Variants in RBM46 observed in about 807,000 individuals in gnomAD.
RBM46 encodes the protein probable RNA-binding protein 46.
In RBM46, 12 loss-of-function variants were observed where a neutral mutation model predicts 43.3. The observed-to-expected ratio is 0.28, with a 90% CI of 0.18 to 0.45. The LOEUF is 0.45. Ranked by LOEUF, RBM46 falls within the 20% of genes least tolerant of loss-of-function variation. The pLI, the probability that RBM46 is intolerant of heterozygous loss-of-function variation, is 1.00. For synonymous variants in RBM46, 205 were observed against 207.6 expected (o/e 0.99, Z 0.11); for missense variants, 412 against 639.1 (o/e 0.64, Z 3.83).
Position 154,798,030 on chromosome 4 carries a change from A to G in RBM46, c.371A>G (p.Tyr124Cys), listed in dbSNP as rs766676514. Residue 124 changes from tyrosine to cysteine, a missense_variant, in exon 3 of 5, where the codon TAT becomes TGT. By Grantham distance (194) the Tyr-to-Cys change is radical (BLOSUM62 -2). Around this residue, in one of 8 missense-constraint regions of RBM46, gnomAD observed 48 missense variants for 78.9 expected, o/e 0.61. Transcript: ENST00000281722. ...TTAGCCATCAGAATTCTTAATAATT[A>G]TGAAATTCGACCAGGGAAGTTTATT... ...AQLAIRILNN[Y>C]EIRPGKFIGV... is the part of the protein sequence containing the mutation. The G allele has an allele frequency of 1.5e-5, 25 of 1,613,700 alleles. No individual in the cohort carries two copies. In the African/African-American group the frequency reaches 2.8e-4, roughly 18 times the overall value.
At position 154,798,804 on chromosome 4, in the gene RBM46, C is replaced by T. The variant is rs1228410393; in HGVS notation, c.642C>T (p.His214=). The T allele has an allele frequency of 3.9e-6, 6 of 1,536,810 alleles. No homozygotes were observed. Among genetic ancestry groups the T allele is most frequent in the Non-Finnish European group, 5.2e-6 (6 of 1,147,484 alleles). ...LIPGTFQLWG[H]TIQVDWADPE... is the part of the protein sequence containing the mutation. ...CAGGAACATTCCAACTATGGGGCCA[C>T]ACCATTCAGGTAGATTGGGCTGACC... Residue 214 remains histidine (H), a synonymous_variant, in exon 4 of 5, where the codon CAC becomes CAT. Coordinates refer to ENST00000281722, the MANE Select transcript of RBM46 (RefSeq NM_144979.5).
chr4:154,826,697 A>T lies in RBM46; in HGVS notation c.1403-1171A>T, dbSNP rs919099419. 12 of 908,244 alleles carry T rather than the reference A, an allele frequency of 1.3e-5. No individual in the cohort carries two copies. The Admixed American group carries it at 1.5e-4, about 11-fold the overall frequency. The allele number at this position is 908,244 out of a possible 1,614,324, so 56.3% of individuals were successfully genotyped here. On this transcript the variant is annotated intron_variant, in intron 4 of 4. Coordinates refer to ENST00000281722, the MANE Select transcript of RBM46 (RefSeq NM_144979.5). ...AAATTAGTTTAATTAGAGTTTTATA[A>T]TGCTGGAAATTAAACCTATATTTAA...
intron 1 of RBM46, among the ~76,000 whole-genome samples, chr4:154,790,081 C>T (rs1041606728): frequency 2.0e-5 from 3 of 152,038 alleles, no homozygotes; most frequent in African/African-American, 7.2e-5. Flanking sequence ...ATTAGTCTTG[C>T]TAGTGGTCTA....
At chr4:154,795,670 T>C (rs1054904884) in intron 1 of RBM46, among the ~76,000 whole-genome samples, 1 of 152,140 alleles carries the variant, frequency 6.6e-6, no homozygotes, top group Non-Finnish European at 1.5e-5. Flanking sequence ...GTCATTTTCT[T>C]CCTTATTTTT....
chr4:154,813,378 AGG>A (rs1014209340), intron 4 of RBM46, among the ~76,000 whole-genome samples: 1 of 152,082 alleles, frequency 6.6e-6, no homozygotes, highest in African/African-American at 2.4e-5. Context: ...AAATATAGAC[AGG>A]GGCATATGGA....
intron 4 of RBM46, among the ~76,000 whole-genome samples, chr4:154,815,215 G>A (rs1023967335): frequency 6.6e-6 from 1 of 151,884 alleles, no homozygotes; most frequent in African/African-American, 2.4e-5. Flanking sequence ...TATATAACTT[G>A]CTGTCTTTGT....
chr4:154,788,877 T>C (rs1013217419), intron 1 of RBM46, among the ~76,000 whole-genome samples: 9 of 152,154 alleles, frequency 5.9e-5, no homozygotes, highest in Non-Finnish European at 1.3e-4. Context: ...GGTTTATAGT[T>C]CTCCTTGAAG....
chr4:154,820,934 A>G (rs1245332421), intron 4 of RBM46, among the ~76,000 whole-genome samples: 1 of 151,830 alleles, frequency 6.6e-6, no homozygotes, highest in Non-Finnish European at 1.5e-5. Context: ...GTCTTTTTTT[A>G]CATGTAGAGG....
At chr4:154,795,329 C>G (rs992784463) in intron 1 of RBM46, among the ~76,000 whole-genome samples, 1 of 152,288 alleles carries the variant, frequency 6.6e-6, no homozygotes, top group African/African-American at 2.4e-5. Context: ...GAACCTGAGT[C>G]TGCACTTTAT....
At chr4:154,815,082 T>A (rs1156619663) in intron 4 of RBM46, among the ~76,000 whole-genome samples, 1 of 152,112 alleles carries the variant, frequency 6.6e-6, no homozygotes, top group Non-Finnish European at 1.5e-5. Flanking sequence ...GAAACTTATG[T>A]AACATTTTAT....
rs774991024 is a variant in RBM46, at chr4:154,827,882, C to T, written c.1417C>T (p.Arg473Cys). The change falls in exon 5 of 5, where the codon CGC becomes TGC. Residue 473 changes from arginine to cysteine, a missense_variant. Arg to Cys is a radical substitution (Grantham distance 180). Around this residue, in one of 8 missense-constraint regions of RBM46, gnomAD observed 149 missense variants for 156.3 expected, o/e 0.95. Coordinates refer to ENST00000281722, the MANE Select transcript of RBM46 (RefSeq NM_144979.5). Reference sequence around the variant, plus strand: ...TTTATTTACAGACTACAATTTCCATCGCAGCTCAATAAATAGTCTTTCCCC... The same window carrying T: ...TTTATTTACAGACTACAATTTCCATTGCAGCTCAATAAATAGTCTTTCCCC... ...TLLHLDYNFH[R>C]SSINSLSPVS... 5 of 1,613,644 alleles carry T rather than the reference C, an allele frequency of 3.1e-6. No individual in the cohort carries two copies. The highest frequency in any genetic ancestry group is 1.3e-5 in the African/African-American group (1 of 74,910).
intron 4 of RBM46, among the ~76,000 whole-genome samples, chr4:154,817,252 G>A (rs1323403390): frequency 1.3e-5 from 2 of 151,218 alleles, no homozygotes; most frequent in African/African-American, 4.9e-5. Flanking sequence ...AGAGTTTTTA[G>A]CCCCTCTTTT....
chr4:154,787,068 GAGAT>G (rs1290934067), intron 1 of RBM46: 1 of 152,152 alleles, frequency 6.6e-6, no homozygotes, highest in Admixed American at 6.5e-5. Context: ...TCCTTCTCTG[GAGAT>G]AGATCTTTAT....
At position 154,804,836 on chromosome 4, in the gene RBM46, T is replaced by A. The variant is rs1268404632; in HGVS notation, c.1402+5272T>A. ...GTTGTTTTTTTTTTTTTTTTTTTTT[T>A]AAACAGGTCTTTTTGAAAGCCTCTT... On this transcript the variant is annotated intron_variant, in intron 4 of 4. Coordinates refer to ENST00000281722, the MANE Select transcript of RBM46 (RefSeq NM_144979.5). 5.2e-5 allele frequency among the ~76,000 whole-genome samples: 7 copies of A among 133,834 alleles called. No individual in the cohort carries two copies. In the East Asian group the frequency reaches 1.0e-3, roughly 19 times the overall value. The allele number at this position is 133,834 out of a possible 152,430, so 87.8% of individuals were successfully genotyped here.
intron 4 of RBM46, among the ~76,000 whole-genome samples, chr4:154,822,414 C>T (rs1286057594): frequency 6.6e-6 from 1 of 151,404 alleles, no homozygotes; most frequent in Non-Finnish European, 1.5e-5. Flanking sequence ...TTATTTAGCT[C>T]TTGATTTTCT....
chr4:154,781,529 G>A (rs867087718), intron 1 of RBM46, 93 bp downstream of exon 1: 11 of 152,752 alleles, frequency 7.2e-5, no homozygotes, highest in African/African-American at 2.6e-4. Flanking sequence ...TACACAGTGG[G>A]GGCTGGCGGC....
At chr4:154,802,539 T>C (rs963423668) in intron 4 of RBM46, among the ~76,000 whole-genome samples, 8 of 152,224 alleles carry the variant, frequency 5.3e-5, no homozygotes, top group African/African-American at 1.9e-4. Flanking sequence ...TTTCATCAAA[T>C]AGCTCAGAGT....
intron 4 of RBM46, among the ~76,000 whole-genome samples, chr4:154,807,171 A>G (rs540149221): frequency 1.3e-5 from 2 of 151,846 alleles, no homozygotes; most frequent in Admixed American, 1.3e-4. Flanking sequence ...ACACACAATT[A>G]AATGTTAGTA....
chr4:154,785,271 T>C (rs1176063394), intron 1 of RBM46, among the ~76,000 whole-genome samples: 1 of 152,120 alleles, frequency 6.6e-6, no homozygotes, highest in Non-Finnish European at 1.5e-5. Context: ...TGTTATTTCA[T>C]TGTAAGAACC....
Sources: gnomAD v4.1 joint callset for allele counts (sites outside exome capture counted in the v4.1 genomes callset) on GRCh38, gnomAD v4.1.1 for gene constraint, gnomAD v4.1.1 regional missense constraint, MANE v1.5 for transcripts, NCBI Gene and HGNC (gene_info 2026-07-23, HGNC 2026-07-21) for gene names.